Variants in HS6ST3 observed in about 807,000 individuals in gnomAD.
HS6ST3 encodes the protein heparan-sulfate 6-O-sulfotransferase 3.
Under a neutral mutation model 36.7 loss-of-function variants are expected in HS6ST3, and 12 were observed. The observed-to-expected ratio is 0.33, with a 90% confidence interval of 0.21 to 0.53. The LOEUF (loss-of-function observed/expected upper bound fraction) is 0.53, where lower values mean the gene tolerates loss of function less well. Among genes scored for constraint, HS6ST3 ranks in the 20% least tolerant of loss-of-function variants. The probability of loss-of-function intolerance (pLI) is 0.95; values close to 1 mark genes in which losing one functional copy is unlikely to be tolerated. For missense variants in HS6ST3, 584 were observed against 640.9 expected (o/e 0.91, Z 0.96); for synonymous variants, 240 against 257.5 (o/e 0.93, Z 0.65).
At chr13:96,460,509 T>G (rs2055778984) in intron 1 of HS6ST3, among the ~76,000 whole-genome samples, 1 of 152,194 alleles carries the variant, frequency 6.6e-6, no homozygotes, top group Admixed American at 6.5e-5. Context: ...AGCTATCAGG[T>G]TTTGGAAGTA....
chr13:96,211,893 C>A (rs575032582), intron 1 of HS6ST3, among the ~76,000 whole-genome samples: 2 of 152,170 alleles, frequency 1.3e-5, no homozygotes, highest in South Asian at 4.1e-4. Flanking sequence ...TTCAACAACC[C>A]CAGAGGATGA....
intron 1 of HS6ST3, among the ~76,000 whole-genome samples, chr13:96,596,922 A>G (rs1035452092): frequency 1.3e-5 from 2 of 152,190 alleles, no homozygotes; most frequent in Non-Finnish European, 2.9e-5. Context: ...GCAAAGACAT[A>G]GATTCAAACT....
chr13:96,662,165 G>T (rs146098049), intron 1 of HS6ST3, among the ~76,000 whole-genome samples: 1 of 152,040 alleles, frequency 6.6e-6, no homozygotes, highest in African/African-American at 2.4e-5. Flanking sequence ...GGACATTTTC[G>T]TGAATTATTT....
chr13:96,106,818 T>C (rs1242808606), intron 1 of HS6ST3, among the ~76,000 whole-genome samples: 1 of 152,166 alleles, frequency 6.6e-6, no homozygotes, highest in East Asian at 1.9e-4. Flanking sequence ...TGTCGGAAAT[T>C]TGAGAAGAGC....
At chr13:96,120,106 G>A (rs1038612818) in intron 1 of HS6ST3, among the ~76,000 whole-genome samples, 1 of 152,182 alleles carries the variant, frequency 6.6e-6, no homozygotes, top group Admixed American at 6.5e-5. Flanking sequence ...GAGAGACACA[G>A]GAAGAATGCC....
chr13:96,357,332 A>G (rs2183981), intron 1 of HS6ST3, among the ~76,000 whole-genome samples: 80,862 of 152,008 alleles, frequency 0.53, 22,057 homozygotes, highest in Middle Eastern at 0.65. Context: ...TGCCTATCTC[A>G]GCTTTCAACA....
intron 1 of HS6ST3, among the ~76,000 whole-genome samples, chr13:96,277,606 A>G (rs900545799): frequency 3.1e-4 from 47 of 152,318 alleles, no homozygotes; most frequent in African/African-American, 9.4e-4. Context: ...GAATATATGC[A>G]TTCATTAAAA....
chr13:96,801,528 G>A (rs1480461347), intron 1 of HS6ST3, among the ~76,000 whole-genome samples: 2 of 151,540 alleles, frequency 1.3e-5, no homozygotes, highest in Admixed American at 6.6e-5. Context: ...GTGTGTGTTT[G>A]TATTTTAGAT....
chr13:96,156,453 A>G (rs1367009466), intron 1 of HS6ST3, among the ~76,000 whole-genome samples: 5 of 152,208 alleles, frequency 3.3e-5, no homozygotes, highest in Non-Finnish European at 5.9e-5. Flanking sequence ...TGATAAAAGC[A>G]TATGTTTAAG....
At chr13:96,452,702 A>G (rs561365734) in intron 1 of HS6ST3, among the ~76,000 whole-genome samples, 12 of 152,270 alleles carry the variant, frequency 7.9e-5, no homozygotes, top group African/African-American at 2.4e-4. Flanking sequence ...AAGTTCTTTT[A>G]TGCCTGGCTA....
At chr13:96,189,990 T>C (rs1183084220) in intron 1 of HS6ST3, among the ~76,000 whole-genome samples, 1 of 152,122 alleles carries the variant, frequency 6.6e-6, no homozygotes, top group Non-Finnish European at 1.5e-5. Context: ...TCCACCTACA[T>C]GTTAGGGAAG....
chr13:96,579,016 A>G (rs547571), intron 1 of HS6ST3, among the ~76,000 whole-genome samples: 126,750 of 152,086 alleles, frequency 0.83, 53,509 homozygotes, highest in Non-Finnish European at 0.9. Flanking sequence ...GAGTTTGCAC[A>G]ATTAAATTAT....
chr13:96,096,543 A>G (rs2053792153), intron 1 of HS6ST3, among the ~76,000 whole-genome samples: 1 of 152,220 alleles, frequency 6.6e-6, no homozygotes, highest in Admixed American at 6.5e-5. Flanking sequence ...ATTATAAATG[A>G]ACTAGTCCTC....
chr13:96,391,954 T>C (rs545754081), intron 1 of HS6ST3, among the ~76,000 whole-genome samples: 1 of 152,352 alleles, frequency 6.6e-6, no homozygotes, highest in South Asian at 2.1e-4. Context: ...ACATGACAGA[T>C]GTGAATCATG....
chr13:96,824,422 C>T (rs1272499273), intron 1 of HS6ST3, among the ~76,000 whole-genome samples: 1 of 152,224 alleles, frequency 6.6e-6, no homozygotes, highest in African/African-American at 2.4e-5. Context: ...CTCCAACTTC[C>T]CACTGGCTTA....
chr13:96,297,346 A>G (rs1744441423), intron 1 of HS6ST3, among the ~76,000 whole-genome samples: 2 of 151,984 alleles, frequency 1.3e-5, no homozygotes, highest in South Asian at 2.1e-4. Context: ...TTCTATTTCT[A>G]CATTTTCACT....
intron 1 of HS6ST3, among the ~76,000 whole-genome samples, chr13:96,101,871 C>T (rs889845191): frequency 3.3e-5 from 5 of 152,222 alleles, no homozygotes; most frequent in East Asian, 1.9e-4. Flanking sequence ...CTCTCTTGCA[C>T]GTGCACATAC....
intron 1 of HS6ST3, among the ~76,000 whole-genome samples, chr13:96,233,815 A>G (rs961027060): frequency 7.2e-5 from 11 of 152,292 alleles, no homozygotes; most frequent in Middle Eastern, 3.4e-3. Flanking sequence ...AAGTCTGTCA[A>G]TAGGAAATAA....
intron 1 of HS6ST3, among the ~76,000 whole-genome samples, chr13:96,296,452 C>G (rs759779977): frequency 1.6e-4 from 25 of 152,092 alleles, no homozygotes; most frequent in Non-Finnish European, 3.5e-4. Flanking sequence ...TTTTAAATAC[C>G]TGGGTAAATC....
Sources: allele counts gnomAD v4.1 joint callset (sites outside exome capture counted in the v4.1 genomes callset), GRCh38; gene constraint gnomAD v4.1.1; transcripts MANE v1.5; gene names NCBI Gene and HGNC (gene_info 2026-07-23, HGNC 2026-07-21).